The following SMURF2 variants were observed in gnomAD, a reference collection of about 807,000 sequenced individuals.
The protein encoded by SMURF2 is SMAD specific E3 ubiquitin protein ligase 2.
SMURF2 carries 48 observed loss-of-function variants against 109.6 expected under a neutral mutation model. The observed-to-expected ratio is 0.44, with a 90% CI of 0.35 to 0.56. The LOEUF is 0.56. SMURF2 is among the 20% of genes least tolerant of loss of function. SMURF2 has a pLI of 0.01. For missense variants in SMURF2, 575 were observed against 909.0 expected (o/e 0.63, Z 4.72); for synonymous variants, 288 against 317.1 (o/e 0.91, Z 0.97).
intron 5 of SMURF2, among the ~76,000 whole-genome samples, chr17:64,587,019 C>A (rs1466225561): frequency 6.6e-6 from 1 of 151,470 alleles, no homozygotes; most frequent in Non-Finnish European, 1.5e-5. Context: ...AAAAATTAGC[C>A]GGGTGAGGAA....
intron 1 of SMURF2, among the ~76,000 whole-genome samples, chr17:64,623,735 T>C (rs1263084783): frequency 1.3e-5 from 2 of 152,256 alleles, no homozygotes; most frequent in African/African-American, 4.8e-5. Flanking sequence ...ATGAAAGGCA[T>C]AATGCCAAAT....
At chr17:64,649,439 ACTT>A (rs1246030694) in intron 1 of SMURF2, among the ~76,000 whole-genome samples, 5 of 152,194 alleles carry the variant, frequency 3.3e-5, no homozygotes, top group Admixed American at 2.0e-4. Flanking sequence ...GCCATCTTCT[ACTT>A]CTTACCAAAC....
chr17:64,596,231 G>A (rs563117046), intron 3 of SMURF2, among the ~76,000 whole-genome samples: 248 of 152,116 alleles, frequency 1.6e-3, no homozygotes, highest in African/African-American at 5.8e-3. Flanking sequence ...TTATGTTGTA[G>A]CTGGATTACA....
rs1172652997 is a variant in SMURF2, at chr17:64,545,964, C to T, written c.2148-17G>A. 1.5e-5 allele frequency: 22 copies of T among 1,489,496 alleles called. No individual in the cohort carries two copies. Among genetic ancestry groups the T allele is most frequent in the Non-Finnish European group, 1.7e-5 (18 of 1,066,618 alleles). The allele number at this position is 1,489,496 out of a possible 1,614,324, so 92.3% of individuals were successfully genotyped here. A position where few individuals can be genotyped will look rare whatever the true frequency, so the allele number is the denominator to read the frequency against. ...CGATTGAAGCTGTGAATAAGCAAAT[C>T]AAATTTTATACAGTTCATTCAAAAT... is the stretch of plus-strand genomic sequence containing the variant. On this transcript the variant is annotated splice_polypyrimidine_tract_variant and intron_variant, in intron 18 of 18. Coordinates refer to ENST00000262435, the MANE Select transcript of SMURF2 (RefSeq NM_022739.4).
chr17:64,659,299 A>G (rs1816222192), intron 1 of SMURF2, among the ~76,000 whole-genome samples: 1 of 152,214 alleles, frequency 6.6e-6, no homozygotes, highest in Non-Finnish European at 1.5e-5. Context: ...CTATAAATTT[A>G]AAATACTAAT....
intron 5 of SMURF2, among the ~76,000 whole-genome samples, chr17:64,587,129 T>C (rs1969674106): frequency 6.6e-6 from 1 of 152,120 alleles, no homozygotes; most frequent in Admixed American, 6.5e-5. Context: ...TGAGCCGTGA[T>C]TGCACCACTG....
At chr17:64,636,667 T>TA (rs1318812756) in intron 1 of SMURF2, among the ~76,000 whole-genome samples, 1 of 146,274 alleles carries the variant, frequency 6.8e-6, no homozygotes, top group African/African-American at 2.5e-5. Context: ...TAGTCCCAGC[T>TA]ACTCAGGAGG....
Position 64,645,916 on chromosome 17 carries a change from G to A in SMURF2, c.52+15913C>T, listed in dbSNP as rs78515202. On this transcript the variant is annotated intron_variant, in intron 1 of 18. Transcript: ENST00000262435. ...TTCATTTTATACATATAAATGCTAA[G>A]AAAACCTATTCACATAAATAAGTAG... Among the ~76,000 whole-genome samples the A allele has an allele frequency of 9.4e-4, 143 of 152,176 alleles. 4 individuals carry two copies. The East Asian group carries it at 0.026, about 28-fold the overall frequency.
intron 1 of SMURF2, among the ~76,000 whole-genome samples, chr17:64,661,397 G>C (rs1284877087): frequency 6.6e-6 from 1 of 152,208 alleles, no homozygotes; most frequent in East Asian, 1.9e-4. Context: ...CTCCCGTTAA[G>C]CGCTCCATCT....
chr17:64,570,161 T>G (rs1969377687), intron 10 of SMURF2, among the ~76,000 whole-genome samples: 1 of 152,244 alleles, frequency 6.6e-6, no homozygotes, highest in Non-Finnish European at 1.5e-5. Flanking sequence ...CATTTAAATT[T>G]TTTGCTTTAT....
chr17:64,650,955 T>C (rs550100918), intron 1 of SMURF2, among the ~76,000 whole-genome samples: 17 of 150,918 alleles, frequency 1.1e-4, no homozygotes, highest in African/African-American at 3.9e-4. Context: ...CTCACGTCTG[T>C]AATCCCAGCA....
intron 5 of SMURF2, among the ~76,000 whole-genome samples, chr17:64,588,406 A>T (rs1206066239): frequency 5.9e-5 from 9 of 152,082 alleles, no homozygotes; most frequent in East Asian, 3.8e-4. Flanking sequence ...TAGCAAAAAA[A>T]TTTTTTAATT....
intron 1 of SMURF2, among the ~76,000 whole-genome samples, chr17:64,617,065 T>TTA (rs1970134588): frequency 6.2e-5 from 3 of 48,506 alleles, no homozygotes; most frequent in African/African-American, 1.7e-4. Flanking sequence ...AGACCTTGTC[T>TTA]AAAAAAAAAA....
At chr17:64,623,250 C>G (rs1172501071) in intron 1 of SMURF2, among the ~76,000 whole-genome samples, 1 of 152,168 alleles carries the variant, frequency 6.6e-6, no homozygotes, top group African/African-American at 2.4e-5. Context: ...AACCCTTCAG[C>G]TCCTAAGGTC....
rs376983319 is a variant in SMURF2 at position 64,567,839 on chromosome 17, G to A, written c.1016+3959C>T. On this transcript the variant is annotated intron_variant, in intron 10 of 18. Coordinates refer to ENST00000262435, the MANE Select transcript of SMURF2 (RefSeq NM_022739.4). Reference sequence around the variant, plus strand: ...CAACTAGCTGGGATTACAGGCACCCGCCACCACACCTGGCTTTTTTTTTTT... The same window carrying A: ...CAACTAGCTGGGATTACAGGCACCCACCACCACACCTGGCTTTTTTTTTTT... Among the ~76,000 whole-genome samples the A allele has an allele frequency of 2.2e-3, 312 of 142,652 alleles. 3 individuals are homozygous for A. The highest frequency in any genetic ancestry group is 2.6e-3 in the Non-Finnish European group (172 of 66,336). The allele number at this position is 142,652 out of a possible 152,430, so 93.6% of individuals were successfully genotyped here.
intron 1 of SMURF2, among the ~76,000 whole-genome samples, chr17:64,622,724 A>G (rs1047041208): frequency 2.0e-5 from 3 of 152,170 alleles, no homozygotes; most frequent in African/African-American, 4.8e-5. Context: ...ACCTAGCTAA[A>G]GTAGTGTTTG....
intron 18 of SMURF2, 78 bp from the exon 19 acceptor site, chr17:64,546,025 C>A: frequency 1.0e-6 from 1 of 967,900 alleles, no homozygotes; most frequent in Non-Finnish European, 1.7e-6. Flanking sequence ...ACCAGTATAG[C>A]CACATCACTC....
rs138233607 is a variant in SMURF2, at chr17:64,594,825, A to G, written c.201-1252T>C. ...AACATGGAGAAACCCTGTCTCTACT[A>G]AAAATACAAAAAAACTTAGCCAGGC... On this transcript the variant is annotated intron_variant, in intron 3 of 18. Transcript: ENST00000262435. 9.9e-5 allele frequency among the ~76,000 whole-genome samples: 15 copies of G among 152,202 alleles called. 1 individual carries two copies. The East Asian group carries it at 2.9e-3, about 29-fold the overall frequency.
At chr17:64,606,727 T>A (rs1969976461) in intron 1 of SMURF2, 87 bp from the exon 2 acceptor site, 4 of 966,062 alleles carry the variant, frequency 4.1e-6, no homozygotes, top group Non-Finnish European at 6.1e-6. Context: ...AAAACAGCAG[T>A]GAATAGTTAA....
Sources: gnomAD v4.1 joint callset for allele counts (sites outside exome capture counted in the v4.1 genomes callset) on GRCh38, gnomAD v4.1.1 for gene constraint, MANE v1.5 for transcripts, NCBI Gene and HGNC (gene_info 2026-07-23, HGNC 2026-07-21) for gene names.